Variants in LYRM7 observed in about 807,000 individuals in gnomAD.
The protein encoded by LYRM7 is complex III assembly factor LYRM7.
In LYRM7, 9 loss-of-function variants were observed where a neutral mutation model predicts 15.8. The observed-to-expected ratio is 0.57, with a 90% CI of 0.34 to 0.99. The LOEUF is 0.99. Ranked by LOEUF, LYRM7 falls within the 50% of genes least tolerant of loss-of-function variation. LYRM7 has a pLI of 0.02. For synonymous variants in LYRM7, 39 were observed against 39.4 expected, an observed-to-expected ratio of 0.99 and a Z score of 0.04; for missense variants, 115 against 119.1, an observed-to-expected ratio of 0.97 and a Z score of 0.16.
chr5:131,194,756 G>C (rs1755937252), intron 4 of LYRM7, among the ~76,000 whole-genome samples: 2 of 152,128 alleles, frequency 1.3e-5, no homozygotes, highest in Non-Finnish European at 2.9e-5. Flanking sequence ...CCCCACGAGA[G>C]AGCAGCAGTT....
At chr5:131,176,025 G>C (rs180865195) in intron 1 of LYRM7, among the ~76,000 whole-genome samples, 5 of 152,314 alleles carry the variant, frequency 3.3e-5, no homozygotes, top group Admixed American at 3.3e-4. Flanking sequence ...TTCCCAAAGG[G>C]CTGAGATTAC....
At chr5:131,188,702 T>C (rs1268036143) in intron 4 of LYRM7, among the ~76,000 whole-genome samples, 1 of 152,200 alleles carries the variant, frequency 6.6e-6, no homozygotes, top group East Asian at 1.9e-4. Flanking sequence ...GCTTTCCTTT[T>C]CACTTTGGTA....
intron 4 of LYRM7, among the ~76,000 whole-genome samples, chr5:131,188,895 C>T (rs1755838850): frequency 6.6e-6 from 1 of 152,128 alleles, no homozygotes; most frequent in African/African-American, 2.4e-5. Flanking sequence ...ACCTGTAATC[C>T]CTGCACTTTG....
rs927861102 is a variant in LYRM7, at chr5:131,204,024, G to A, written c.*4423G>A. ...ACAATCATATCCAATATTTTTAAAG[G>A]TTGTAAGACTATAAGGAAATAGCCA... On this transcript the variant is annotated 3_prime_UTR_variant, in exon 5 of 5. Coordinates refer to ENST00000379380, the MANE Select transcript of LYRM7 (RefSeq NM_181705.4). 4.6e-5 allele frequency: 7 copies of A among 151,904 alleles called. No homozygotes were observed. Among genetic ancestry groups the A allele is most frequent in the African/African-American group, 1.5e-4 (6 of 41,372 alleles). The allele number at this position is 151,904 out of a possible 1,614,324, so 9.4% of individuals were successfully genotyped here.
chr5:131,195,509 C>G (rs1755950063), intron 4 of LYRM7, among the ~76,000 whole-genome samples: 2 of 152,132 alleles, frequency 1.3e-5, no homozygotes. Flanking sequence ...TGAGCTGTAA[C>G]ATGAAATAAG....
At chr5:131,183,882 A>G (rs1178290306) in intron 3 of LYRM7, among the ~76,000 whole-genome samples, 1 of 152,232 alleles carries the variant, frequency 6.6e-6, no homozygotes, top group African/African-American at 2.4e-5. Flanking sequence ...ATTTTATTAT[A>G]TGTTAAAAAG....
intron 4 of LYRM7, among the ~76,000 whole-genome samples, chr5:131,197,424 C>G (rs1322821925): frequency 6.6e-6 from 1 of 151,972 alleles, no homozygotes; most frequent in Admixed American, 6.6e-5. Context: ...TTTCAGTAAG[C>G]CAAATTTATC....
intron 2 of LYRM7, among the ~76,000 whole-genome samples, chr5:131,181,241 A>G (rs1327844984): frequency 7.9e-6 from 1 of 126,996 alleles, no homozygotes; most frequent in Non-Finnish European, 1.6e-5. Context: ...ATGCCACTGC[A>G]CTCCAGCCTG....
intron 3 of LYRM7, among the ~76,000 whole-genome samples, chr5:131,183,475 G>T (rs1561545267): frequency 1.3e-5 from 2 of 151,984 alleles, no homozygotes; most frequent in Non-Finnish European, 2.9e-5. Flanking sequence ...TTAAATTGAG[G>T]TCTGTTTATA....
At chr5:131,173,172 T>G (rs1029674677) in intron 1 of LYRM7, among the ~76,000 whole-genome samples, 3 of 152,202 alleles carry the variant, frequency 2.0e-5, no homozygotes, top group Admixed American at 6.5e-5. Flanking sequence ...TCTACGATGC[T>G]TGCAAAGCCC....
intron 1 of LYRM7, among the ~76,000 whole-genome samples, chr5:131,173,300 G>A (rs950348447): frequency 6.6e-5 from 10 of 152,168 alleles, no homozygotes; most frequent in African/African-American, 1.9e-4. Context: ...GCATACCTAG[G>A]TGATGCTGCA....
chr5:131,190,232 G>C (rs966345893), intron 4 of LYRM7, among the ~76,000 whole-genome samples: 3 of 151,954 alleles, frequency 2.0e-5, no homozygotes, highest in Admixed American at 6.6e-5. Context: ...GTCTTGCTCT[G>C]TCTCCTACGC....
intron 1 of LYRM7, among the ~76,000 whole-genome samples, chr5:131,176,023 G>A (rs1353199328): frequency 6.6e-6 from 1 of 152,210 alleles, no homozygotes; most frequent in Non-Finnish European, 1.5e-5. Flanking sequence ...GCTTCCCAAA[G>A]GGCTGAGATT....
intron 2 of LYRM7, among the ~76,000 whole-genome samples, chr5:131,181,967 A>G (rs1415622408): frequency 6.6e-6 from 1 of 152,180 alleles, no homozygotes; most frequent in East Asian, 1.9e-4. Flanking sequence ...AGGTATACAA[A>G]TGAATTTGAG....
In LYRM7 at chr5:131,181,302, A is replaced by ATATAT. The variant is rs71000974; in HGVS notation, c.92-927_92-926insTATAT. Among the ~76,000 whole-genome samples the ATATAT allele has an allele frequency of 5.7e-4, 5 of 8,774 alleles. 1 individual carries two copies. The highest frequency in any genetic ancestry group is 3.2e-3 in the Admixed American group (1 of 316). 5.8% of individuals were successfully genotyped at this position (8,774 alleles called of 152,430 possible). A position where few individuals can be genotyped will look rare whatever the true frequency, so the allele number is the denominator to read the frequency against. ...AAAAAAAAAAAAAAAAAAAAAAAAA[A>ATATAT]ATATATATATATATACACACACACA... On this transcript the variant is annotated intron_variant, in intron 2 of 4. Coordinates refer to ENST00000379380, the MANE Select transcript of LYRM7 (RefSeq NM_181705.4).
chr5:131,182,225 G>T lies in LYRM7; in HGVS notation c.92-4G>T. On this transcript the variant is annotated splice_polypyrimidine_tract_variant and splice_region_variant and intron_variant, in intron 2 of 4. Transcript: ENST00000379380. ...AATAACTATATGTATTTTTCTCTTT[G>T]TAGCAGCCAGAATAAAGATAAATGA... 7.0e-7 allele frequency: 1 copy of T among 1,421,080 alleles called. No individual in the cohort carries two copies. The highest frequency in any genetic ancestry group is 9.5e-7 in the Non-Finnish European group (1 of 1,048,786). 88.0% of individuals were successfully genotyped at this position (1,421,080 alleles called of 1,614,324 possible). A position where few individuals can be genotyped will look rare whatever the true frequency, so the allele number is the denominator to read the frequency against.
chr5:131,190,384 C>T (rs888234326), intron 4 of LYRM7, among the ~76,000 whole-genome samples: 3 of 151,782 alleles, frequency 2.0e-5, no homozygotes, highest in Admixed American at 6.6e-5. Context: ...TTAGTAGAGA[C>T]GGAGTTTCAC....
chr5:131,173,096 C>A (rs1049205719), intron 1 of LYRM7, among the ~76,000 whole-genome samples: 1 of 152,116 alleles, frequency 6.6e-6, no homozygotes, highest in Non-Finnish European at 1.5e-5. Context: ...TGTTTACTTA[C>A]TTCTCATTTT....
chr5:131,182,911 A>G (rs535343041), intron 3 of LYRM7, among the ~76,000 whole-genome samples: 2 of 152,268 alleles, frequency 1.3e-5, no homozygotes, highest in South Asian at 4.1e-4. Context: ...TCAGCTTCCT[A>G]TGTCTAACTA....
Sources: allele counts gnomAD v4.1 joint callset (sites outside exome capture counted in the v4.1 genomes callset), GRCh38; gene constraint gnomAD v4.1.1; transcripts MANE v1.5; gene names NCBI Gene and HGNC (gene_info 2026-07-23, HGNC 2026-07-21).